The following UNC80 variants were observed in gnomAD, a reference collection of about 807,000 sequenced individuals.
UNC80 encodes the protein unc-80 subunit of NALCN channel complex.
Under a neutral mutation model 384.6 loss-of-function variants are expected in UNC80, and 164 were observed. The observed-to-expected ratio is 0.43, with a 90% CI of 0.38 to 0.49. The LOEUF (loss-of-function observed/expected upper bound fraction) is 0.49. Ranked by LOEUF, UNC80 falls within the 20% of genes least tolerant of loss-of-function variation. The pLI is 0.00. For synonymous variants in UNC80, 1,486 were observed against 1,527.8 expected (o/e 0.97, Z 0.64); for missense variants, 3,330 against 4,143.0 (o/e 0.80, Z 5.39).
At chr2:209,798,688 A>AT (rs2078329349) in intron 7 of UNC80, among the ~76,000 whole-genome samples, 2 of 148,962 alleles carry the variant, frequency 1.3e-5, no homozygotes, top group Admixed American at 6.7e-5. Context: ...TATTATTATT[A>AT]TTTTTTTGAG....
intron 39 of UNC80, 41 bp downstream of exon 39, chr2:209,934,046 A>T (rs1202647432): frequency 2.0e-6 from 3 of 1,476,716 alleles, no homozygotes; most frequent in Admixed American, 5.1e-5. Context: ...CTTTAAAAAA[A>T]AATTATAAAT....
chr2:209,851,407 G>A (rs193180245), intron 22 of UNC80, among the ~76,000 whole-genome samples: 11 of 152,220 alleles, frequency 7.2e-5, no homozygotes, highest in East Asian at 1.9e-4. Context: ...GTATATAATC[G>A]GGGAGGGAGA....
chr2:209,982,382 C>G, intron 60 of UNC80, 65 bp downstream of exon 60: 1 of 1,454,260 alleles, frequency 6.9e-7, no homozygotes, highest in Non-Finnish European at 9.1e-7. Flanking sequence ...TGAAAATACA[C>G]TCCTGTTATT....
chr2:209,805,705 C>T, intron 7 of UNC80, among the ~76,000 whole-genome samples: 1 of 151,818 alleles, frequency 6.6e-6, no homozygotes, highest in East Asian at 1.9e-4. Flanking sequence ...CTTTTATAAC[C>T]TAATCTTCTA....
At chr2:209,800,653 G>T (rs2370832) in intron 7 of UNC80, among the ~76,000 whole-genome samples, 81,187 of 151,834 alleles carry the variant, frequency 0.53, 22,632 homozygotes, top group Admixed American at 0.61. Context: ...GATGTTAGCA[G>T]GTCAATTTTA....
intron 27 of UNC80, 57 bp downstream of exon 27, chr2:209,894,423 G>A: frequency 1.1e-6 from 1 of 935,134 alleles, no homozygotes; most frequent in Non-Finnish European, 1.3e-6. Context: ...CAGGGCCCAA[G>A]TCCCAAAAGA....
intron 11 of UNC80, among the ~76,000 whole-genome samples, chr2:209,818,295 A>G (rs986143220): frequency 5.3e-5 from 8 of 151,500 alleles, no homozygotes; most frequent in Admixed American, 2.6e-4. Context: ...GGGCTTGTAT[A>G]CCTTCAGCGG....
At chr2:209,949,096 T>G (rs1052223347) in intron 47 of UNC80, among the ~76,000 whole-genome samples, 1 of 152,216 alleles carries the variant, frequency 6.6e-6, no homozygotes, top group Admixed American at 6.5e-5. Flanking sequence ...AGATTTGGTT[T>G]GCAATTATTT....
chr2:209,798,542 C>CA (rs1372968794), intron 7 of UNC80, among the ~76,000 whole-genome samples: 4 of 152,078 alleles, frequency 2.6e-5, no homozygotes, highest in Non-Finnish European at 5.9e-5. Flanking sequence ...GTACCAATAC[C>CA]ATGCTGTTTT....
At chr2:209,900,173 A>G (rs1475136056) in intron 28 of UNC80, among the ~76,000 whole-genome samples, 1 of 152,206 alleles carries the variant, frequency 6.6e-6, no homozygotes, top group East Asian at 1.9e-4. Context: ...CTGTGTGTAT[A>G]CAGGCATACC....
chr2:209,784,428 A>G (rs921877580), intron 4 of UNC80, among the ~76,000 whole-genome samples: 2 of 152,090 alleles, frequency 1.3e-5, no homozygotes, highest in African/African-American at 4.8e-5. Context: ...TTGACACTCA[A>G]TGACTTCTCC....
Position 209,943,466 on chromosome 2 carries a change from C to G in UNC80, c.7002C>G (p.Pro2334=). 2 of 1,551,978 alleles carry G rather than the reference C, an allele frequency of 1.3e-6. No individual in the cohort carries two copies. The highest frequency in any genetic ancestry group is 1.4e-5 in the African/African-American group (1 of 73,148). ...CHQFYILHRK[P]FVLQLFASVA... ...AGTTCTATATTCTACACCGGAAGCC[C>G]TTTGTGCTCCAGCTGTTTGCTAGTG... is the stretch of plus-strand genomic sequence containing the variant. Residue 2334 remains proline (P), a synonymous_variant, in exon 45 of 65, where the codon CCC becomes CCG. Transcript: ENST00000673920.
intron 22 of UNC80, among the ~76,000 whole-genome samples, chr2:209,868,247 A>G (rs1475540019): frequency 6.6e-6 from 1 of 152,246 alleles, no homozygotes; most frequent in African/African-American, 2.4e-5. Context: ...TTGGTTGTAG[A>G]TAAACAGGTA....
At chr2:209,994,798 A>T (rs931894618) in intron 64 of UNC80, among the ~76,000 whole-genome samples, 4 of 152,178 alleles carry the variant, frequency 2.6e-5, no homozygotes, top group Non-Finnish European at 5.9e-5. Flanking sequence ...AGTTCAATTT[A>T]AAAAAATTAA....
At chr2:209,782,855 G>A (rs1325081739) in intron 4 of UNC80, among the ~76,000 whole-genome samples, 1 of 151,084 alleles carries the variant, frequency 6.6e-6, no homozygotes, top group Admixed American at 6.6e-5. Flanking sequence ...TTAAACTAAG[G>A]CATCTTCTTT....
In UNC80 at chr2:209,807,265, CATTTTT is replaced by C. The variant is rs1286078953; in HGVS notation, c.939-6313_939-6308del. Among the ~76,000 whole-genome samples the C allele has an allele frequency of 4.0e-5, 6 of 151,746 alleles. No homozygotes were observed. The East Asian group carries it at 1.2e-3, about 29-fold the overall frequency. On this transcript the variant is annotated intron_variant, in intron 7 of 64. Transcript: ENST00000673920. ...TATTCATATTATTTTATAACATTTTCATTTTTAATTTTTTCCAGGAAATAACTTTTA... is the reference window on the plus strand; with the variant it reads ...TATTCATATTATTTTATAACATTTTCAATTTTTTCCAGGAAATAACTTTTA...
intron 51 of UNC80, among the ~76,000 whole-genome samples, chr2:209,962,787 T>C (rs2092633741): frequency 6.6e-6 from 1 of 152,230 alleles, no homozygotes; most frequent in Non-Finnish European, 1.5e-5. Context: ...TTTGAACTTA[T>C]ACTAAGCAAA....
At chr2:209,913,975 G>A (rs1470611984) in intron 31 of UNC80, 35 bp downstream of exon 31, 1 of 1,513,488 alleles carries the variant, frequency 6.6e-7, no homozygotes, top group South Asian at 1.2e-5. Context: ...TGTGCCTGCT[G>A]CCACTGCTGT....
chr2:209,882,552 C>A (rs1185613673), intron 25 of UNC80, among the ~76,000 whole-genome samples: 2 of 152,160 alleles, frequency 1.3e-5, no homozygotes. Context: ...AGAGAAGTTT[C>A]TTCTACTGCC....
Sources: allele counts gnomAD v4.1 joint callset (sites outside exome capture counted in the v4.1 genomes callset), GRCh38; gene constraint gnomAD v4.1.1; transcripts MANE v1.5; gene names NCBI Gene and HGNC (gene_info 2026-07-23, HGNC 2026-07-21).